TFAP2E: variants seen among roughly 807,000 people sequenced by gnomAD.
TFAP2E encodes transcription factor AP-2 epsilon.
TFAP2E carries 30 observed loss-of-function variants against 37.9 expected under a neutral mutation model. The observed-to-expected ratio is 0.79, with a 90% CI of 0.59 to 1.07. The LOEUF (loss-of-function observed/expected upper bound fraction) is 1.07. TFAP2E is among the 50% of genes least tolerant of loss of function. The pLI, the probability that TFAP2E is intolerant of heterozygous loss-of-function variation, is 0.00. For missense variants in TFAP2E, 567 were observed against 637.9 expected, an observed-to-expected ratio of 0.89 and a Z score of 1.20; for synonymous variants, 318 against 295.8, an observed-to-expected ratio of 1.08 and a Z score of -0.77.
At position 35,590,907 on chromosome 1, in the gene TFAP2E, G is replaced by C. The variant is rs539997136; in HGVS notation, c.1046+132G>C. 34 of 1,072,762 alleles carry C rather than the reference G, an allele frequency of 3.2e-5. No homozygotes were observed. The African/African-American group carries it at 5.5e-4, about 17-fold the overall frequency. The allele number at this position is 1,072,762 out of a possible 1,614,324, so 66.5% of individuals were successfully genotyped here. A position where few individuals can be genotyped will look rare whatever the true frequency, so the allele number is the denominator to read the frequency against. On this transcript the variant is annotated intron_variant, in intron 6 of 6. Coordinates refer to ENST00000373235, the MANE Select transcript of TFAP2E (RefSeq NM_178548.4). This position sits in a 1 kb window ranked among gnomAD's most constrained non-coding sequence, Gnocchi z 6.2. ...CGTATTTGCGCACCACTGTGTACAC[G>C]AGCAGTGGGCACACACACATACGTG...
At chr1:35,575,101 G>T (rs1013730203) in intron 3 of TFAP2E, 101 bp downstream of exon 3, 20 of 1,475,306 alleles carry the variant, frequency 1.4e-5, no homozygotes, top group Non-Finnish European at 1.8e-5. Context: ...GTGTCGCCAG[G>T]CTGGGTGTCC....
At chr1:35,579,844 T>C (rs1649295259) in intron 3 of TFAP2E, among the ~76,000 whole-genome samples, 1 of 152,180 alleles carries the variant, frequency 6.6e-6, no homozygotes, top group African/African-American at 2.4e-5. Flanking sequence ...GAGTTTGGAC[T>C]TTACCTGAAA....
intron 3 of TFAP2E, among the ~76,000 whole-genome samples, chr1:35,581,173 C>G (rs895280872): frequency 6.6e-6 from 1 of 152,060 alleles, no homozygotes; most frequent in African/African-American, 2.4e-5. Flanking sequence ...TGAGGCTCGC[C>G]CCAAACATTA....
intron 6 of TFAP2E, 148 bp from the exon 7 acceptor site, chr1:35,594,246 T>G: frequency 9.8e-7 from 1 of 1,020,332 alleles, no homozygotes; most frequent in Non-Finnish European, 1.4e-6. Flanking sequence ...TTTCCTTTTC[T>G]GTAAAAAACA....
In TFAP2E at chr1:35,588,505, G is replaced by A. The variant is rs574376119; in HGVS notation, c.738G>A (p.Ser246=). Residue 246 remains serine, a synonymous_variant, in exon 4 of 7, where the codon TCG becomes TCA. Transcript: ENST00000373235. The surrounding 1 kb of genome is among the most constrained non-coding windows in gnomAD (Gnocchi z 5.1). ...TGGGGGAGGTGCAGCGGCGACTCTC[G>A]CCTCCCGAGTGCCTCAACGCCTCCC... The part of the protein sequence containing the change: ...VTVGEVQRRL[S]PPECLNASLL... 3.1e-5 allele frequency: 49 copies of A among 1,605,698 alleles called. No individual in the cohort carries two copies. The highest frequency in any genetic ancestry group is 1.3e-4 in the East Asian group (6 of 44,744).
intron 2 of TFAP2E, 87 bp from the exon 3 acceptor site, chr1:35,574,862 G>A (rs1442086328): frequency 1.9e-6 from 3 of 1,590,506 alleles, no homozygotes; most frequent in South Asian, 1.1e-5. Context: ...GGGCGGAGCA[G>A]ACAGAGACCC....
chr1:35,575,756 C>T (rs1393911509), intron 3 of TFAP2E, among the ~76,000 whole-genome samples: 2 of 152,198 alleles, frequency 1.3e-5, no homozygotes, highest in Non-Finnish European at 2.9e-5. Flanking sequence ...TGTACAGTAT[C>T]TCTGTTGTGT....
intron 4 of TFAP2E, among the ~76,000 whole-genome samples, chr1:35,589,659 C>A (rs1355893307): frequency 1.3e-5 from 2 of 151,980 alleles, no homozygotes; most frequent in Admixed American, 6.6e-5. Flanking sequence ...CCCCAGGATG[C>A]CCCACCCTGG....
At chr1:35,576,715 G>A (rs1251323819) in intron 3 of TFAP2E, among the ~76,000 whole-genome samples, 3 of 152,196 alleles carry the variant, frequency 2.0e-5, no homozygotes, top group Admixed American at 2.0e-4. Context: ...TGGATGCGAG[G>A]CCCTCCCAGA....
Position 35,594,409 on chromosome 1 carries a change from G to T in TFAP2E, c.1062G>T (p.Glu354Asp), listed in dbSNP as rs572176714. 6.2e-7 allele frequency: 1 copy of T among 1,613,564 alleles called. No individual in the cohort carries two copies. The highest frequency in any genetic ancestry group is 1.1e-5 in the South Asian group (1 of 91,044). ...MLLAAKQICK[E>D]FADLMAQDRS... Reference sequence around the variant, plus strand: ...CTCGCACCAGGCAGATCTGCAAGGAGTTTGCAGACTTGATGGCTCAGGACC... The same window carrying T: ...CTCGCACCAGGCAGATCTGCAAGGATTTTGCAGACTTGATGGCTCAGGACC... The change falls in exon 7 of 7, where the codon GAG becomes GAT. Residue 354 changes from glutamate (E) to aspartate (D), a missense_variant. Physicochemically the swap from Glu to Asp is conservative, Grantham distance 45. Around this residue, in one of 3 missense-constraint regions of TFAP2E, gnomAD observed 252 missense variants for 302.6 expected, o/e 0.83. Transcript: ENST00000373235.
chr1:35,588,225 C>A lies in TFAP2E; in HGVS notation c.563-105C>A. 1 of 1,173,756 alleles carries A rather than the reference C, an allele frequency of 8.5e-7. No individual in the cohort carries two copies. The highest frequency in any genetic ancestry group is 1.2e-6 in the Non-Finnish European group (1 of 847,282). The allele number at this position is 1,173,756 out of a possible 1,614,324, so 72.7% of individuals were successfully genotyped here. A position where few individuals can be genotyped will look rare whatever the true frequency, so the allele number is the denominator to read the frequency against. Reference sequence around the variant, plus strand: ...GAACTTGGGCGAGTCACTTTCACCTCACTGTGGCTCAGTTTCTCCCTTCAT... The same window carrying A: ...GAACTTGGGCGAGTCACTTTCACCTAACTGTGGCTCAGTTTCTCCCTTCAT... On this transcript the variant is annotated intron_variant, in intron 3 of 6. Coordinates refer to ENST00000373235, the MANE Select transcript of TFAP2E (RefSeq NM_178548.4). The surrounding 1 kb of genome is among the most constrained non-coding windows in gnomAD (Gnocchi z 5.1).
In TFAP2E at chr1:35,574,400, G is replaced by C; in HGVS notation, c.501G>C (p.Glu167Asp). 1 of 1,431,358 alleles carries C rather than the reference G, an allele frequency of 7.0e-7. No individual in the cohort carries two copies. Among genetic ancestry groups the C allele is most frequent in the Non-Finnish European group, 9.1e-7 (1 of 1,103,818 alleles). 88.7% of individuals were successfully genotyped at this position (1,431,358 alleles called of 1,614,324 possible). Residue 167 changes from glutamate (E) to aspartate (D), a missense_variant, in exon 2 of 7, where the codon GAG (glutamate) becomes GAC (aspartate). Physicochemically the swap from Glu to Asp is conservative, Grantham distance 45 (BLOSUM62 2). This residue lies in a region of TFAP2E where 312 missense variants were observed against 317.4 expected (regional missense o/e 0.98). Transcript: ENST00000373235. ...GGCTGGCGGCGGCCCCCGGTCTGGA[G>C]GACCTGCAGGTGAGACCCGAGGGAT... The part of the protein sequence containing the change: ...LPGLAAAPGL[E>D]DLQAMDEPGM...
chr1:35,593,987 GTTA>G (rs1649759244), intron 6 of TFAP2E, among the ~76,000 whole-genome samples: 1 of 152,324 alleles, frequency 6.6e-6, no homozygotes, highest in African/African-American at 2.4e-5. Flanking sequence ...TTCACTGCTA[GTTA>G]TTATTTCCGG....
chr1:35,581,660 C>T (rs2148548645), intron 3 of TFAP2E, among the ~76,000 whole-genome samples: 1 of 151,712 alleles, frequency 6.6e-6, no homozygotes, highest in African/African-American at 2.4e-5. Flanking sequence ...GTAACCTCTG[C>T]CTCCTGGGTT....
chr1:35,575,334 G>T (rs1486766836), intron 3 of TFAP2E, among the ~76,000 whole-genome samples: 1 of 152,264 alleles, frequency 6.6e-6, no homozygotes, highest in Non-Finnish European at 1.5e-5. Flanking sequence ...TAAGAGATGG[G>T]AATGGAAGTG....
Position 35,577,216 on chromosome 1 carries a change from G to T in TFAP2E, c.562+2216G>T, listed in dbSNP as rs561087102. 3 of 367,394 alleles carry T rather than the reference G, an allele frequency of 8.2e-6. No homozygotes were observed. The highest frequency in any genetic ancestry group is 1.6e-5 in the Non-Finnish European group (3 of 183,394). 22.8% of individuals were successfully genotyped at this position (367,394 alleles called of 1,614,324 possible). A position where few individuals can be genotyped will look rare whatever the true frequency, so the allele number is the denominator to read the frequency against. ...CGGAGGTCGTGACCCAGGGGAAAGC[G>T]TGGGCGGTCGACCCAGGGCAGCTGC... is the stretch of plus-strand genomic sequence containing the variant. On this transcript the variant is annotated intron_variant, in intron 3 of 6. Coordinates refer to ENST00000373235, the MANE Select transcript of TFAP2E (RefSeq NM_178548.4). This position sits in a 1 kb window ranked among gnomAD's most constrained non-coding sequence, Gnocchi z 6.3.
chr1:35,576,750 A>C (rs1294969798), intron 3 of TFAP2E, among the ~76,000 whole-genome samples: 1 of 152,190 alleles, frequency 6.6e-6, no homozygotes, highest in Non-Finnish European at 1.5e-5. Context: ...AACAACTTCC[A>C]AAACTCCTAG....
chr1:35,583,603 AGTGTGTGTGTGTGTGTGT>A (rs201106841), intron 3 of TFAP2E, among the ~76,000 whole-genome samples: 2 of 138,006 alleles, frequency 1.4e-5, no homozygotes, highest in South Asian at 2.4e-4. Context: ...TGTCTGCAGG[AGTGTGTGTGTGTGTGTGT>A]GTGTGTGTGT....
chr1:35,581,202 G>A (rs1025032053), intron 3 of TFAP2E, among the ~76,000 whole-genome samples: 2 of 152,118 alleles, frequency 1.3e-5, no homozygotes, highest in African/African-American at 4.8e-5. Context: ...AAAAGAAACA[G>A]CAATAAAAAG....
Sources: gnomAD v4.1 joint callset for allele counts (sites outside exome capture counted in the v4.1 genomes callset) on GRCh38, gnomAD v4.1.1 for gene constraint, gnomAD v4.1.1 regional missense constraint, Gnocchi (gnomAD v3.1) non-coding constraint, MANE v1.5 for transcripts, NCBI Gene and HGNC (gene_info 2026-07-23, HGNC 2026-07-21) for gene names.